GADD45A: variants seen among roughly 807,000 people sequenced by gnomAD.
GADD45A encodes the protein growth arrest and DNA damage-inducible protein GADD45 alpha.
Under a neutral mutation model 17.7 loss-of-function variants are expected in GADD45A, and 9 were observed. The observed-to-expected ratio is 0.51, with a 90% CI of 0.31 to 0.89. The LOEUF is 0.89. Ranked by LOEUF, GADD45A falls within the 40% of genes least tolerant of loss-of-function variation. The pLI is 0.05. For missense variants in GADD45A, 149 were observed against 220.6 expected (o/e 0.68, Z 2.06); for synonymous variants, 95 against 92.2 (o/e 1.03, Z -0.17).
chr1:67,685,428 C>G lies in GADD45A; in HGVS notation c.-67C>G. The G allele has an allele frequency of 6.7e-7, 1 of 1,500,372 alleles. No individual in the cohort carries two copies. Among genetic ancestry groups the G allele is most frequent in the Non-Finnish European group, 9.1e-7 (1 of 1,097,584 alleles). 92.9% of individuals were successfully genotyped at this position (1,500,372 alleles called of 1,614,324 possible). A position where few individuals can be genotyped will look rare whatever the true frequency, so the allele number is the denominator to read the frequency against. ...AGTGAGTGCAGAAAGCAGGCGCCCG[C>G]GCGCTAGCCGTGGCAGGAGCAGCCC... On this transcript the variant is annotated 5_prime_UTR_variant, in exon 1 of 4. Coordinates refer to ENST00000370986, the MANE Select transcript of GADD45A (RefSeq NM_001924.4).
At chr1:67,685,953 C>A in intron 1 of GADD45A, 72 bp from the exon 2 acceptor site, 1 of 983,126 alleles carries the variant, frequency 1.0e-6, no homozygotes, top group Non-Finnish European at 1.5e-6. Flanking sequence ...GGCGTGGTAC[C>A]GGACGAGGGG....
chr1:67,685,367 A>T lies in GADD45A; in HGVS notation c.-128A>T, dbSNP rs1016487119. On this transcript the variant is annotated 5_prime_UTR_variant, in exon 1 of 4. Coordinates refer to ENST00000370986, the MANE Select transcript of GADD45A (RefSeq NM_001924.4). The stretch of plus-strand genomic sequence containing the variant: ...CCGGGCGGGCGAGGGGCGGCCGGAG[A>T]GCGCCAGGGCCTGAGCTGCCGGAGC... 9 of 784,682 alleles carry T rather than the reference A, an allele frequency of 1.1e-5. No homozygotes were observed. Among genetic ancestry groups the T allele is most frequent in the Non-Finnish European group, 1.8e-5 (9 of 500,286 alleles). 48.6% of individuals were successfully genotyped at this position (784,682 alleles called of 1,614,324 possible). A position where few individuals can be genotyped will look rare whatever the true frequency, so the allele number is the denominator to read the frequency against.
rs750408401 is a variant in GADD45A at position 67,688,094 on chromosome 1, T to C, written c.*320T>C. 2.2e-4 allele frequency: 49 copies of C among 220,556 alleles called. 1 individual carries two copies. Among genetic ancestry groups the C allele is most frequent in the Non-Finnish European group, 3.5e-4 (39 of 111,566 alleles). 13.7% of individuals were successfully genotyped at this position (220,556 alleles called of 1,614,324 possible). A position where few individuals can be genotyped will look rare whatever the true frequency, so the allele number is the denominator to read the frequency against. On this transcript the variant is annotated 3_prime_UTR_variant, in exon 4 of 4. Coordinates refer to ENST00000370986, the MANE Select transcript of GADD45A (RefSeq NM_001924.4). ...TTACATTAAAATAAACCAAATATGT[T>C]AAAGTTTAAGTGTGCAGCCATAGTT...
chr1:67,687,776 G>C lies in GADD45A; in HGVS notation c.*2G>C, dbSNP rs747192187. ...GTGATTAATCTCCCTGAACGGTGATGGCATCTGAATGAAAATAACTGAACC... is the reference window on the plus strand; with the variant it reads ...GTGATTAATCTCCCTGAACGGTGATCGCATCTGAATGAAAATAACTGAACC... On this transcript the variant is annotated 3_prime_UTR_variant, in exon 4 of 4. Transcript: ENST00000370986. The C allele has an allele frequency of 6.3e-7, 1 of 1,583,050 alleles. No individual in the cohort carries two copies. The highest frequency in any genetic ancestry group is 1.7e-5 in the Admixed American group (1 of 59,896).
In GADD45A at chr1:67,685,876, G is replaced by T. The variant is rs745674077; in HGVS notation, c.45-149G>T. The T allele has an allele frequency of 6.6e-6, 4 of 608,916 alleles. No individual in the cohort carries two copies. In the South Asian group the frequency reaches 8.1e-5, roughly 12 times the overall value. The allele number at this position is 608,916 out of a possible 1,614,324, so 37.7% of individuals were successfully genotyped here. On this transcript the variant is annotated intron_variant, in intron 1 of 3. Transcript: ENST00000370986. Reference sequence around the variant, plus strand: ...CGTGCAGGGGTCATGGGGGGTGACGGGGCCGCGGGAGCGCCGGGTTTTCGT... The same window carrying T: ...CGTGCAGGGGTCATGGGGGGTGACGTGGCCGCGGGAGCGCCGGGTTTTCGT...
In GADD45A at chr1:67,686,527, T is replaced by C. The variant is rs761901585; in HGVS notation, c.324T>C (p.Ala108=). The change falls in exon 3 of 4, where the codon GCT becomes GCC. Residue 108 remains alanine (A), a synonymous_variant. Coordinates refer to ENST00000370986, the MANE Select transcript of GADD45A (RefSeq NM_001924.4). The part of the protein sequence containing the change: ...LAELLLLETD[A]GPAASEGAEQ... ...AGCTCCTGCTCTTGGAGACCGACGC[T>C]GGCCCCGCGGCGAGCGAGGGCGCCG... The C allele has an allele frequency of 6.6e-5, 106 of 1,612,084 alleles. No homozygotes were observed. The highest frequency in any genetic ancestry group is 1.0e-4 in the Admixed American group (6 of 59,948).
Position 67,685,316 on chromosome 1 carries a change from G to A in GADD45A, c.-179G>A, listed in dbSNP as rs1039025063. ...CAAGGCGGGAGGGGTGGCCGGAGCTGCGGCGGCTGGCACAGGAGGAGGAGC... is the reference window on the plus strand; with the variant it reads ...CAAGGCGGGAGGGGTGGCCGGAGCTACGGCGGCTGGCACAGGAGGAGGAGC... On this transcript the variant is annotated 5_prime_UTR_variant, in exon 1 of 4. Coordinates refer to ENST00000370986, the MANE Select transcript of GADD45A (RefSeq NM_001924.4). The A allele has an allele frequency of 3.4e-5, 19 of 553,496 alleles. No individual in the cohort carries two copies. Among genetic ancestry groups the A allele is most frequent in the Non-Finnish European group, 6.0e-5 (19 of 317,556 alleles). 34.3% of individuals were successfully genotyped at this position (553,496 alleles called of 1,614,324 possible).
chr1:67,685,800 C>G, intron 1 of GADD45A: 1 of 595,014 alleles, frequency 1.7e-6, no homozygotes, highest in South Asian at 2.0e-5. Flanking sequence ...TGGCTGGCAG[C>G]CTGTGGCAGG....
intron 2 of GADD45A, 61 bp from the exon 3 acceptor site, chr1:67,686,289 C>T: frequency 6.7e-7 from 1 of 1,500,430 alleles, no homozygotes; most frequent in South Asian, 1.2e-5. Context: ...CCCCAGGGAC[C>T]CGGGCAGTGG....
Position 67,687,679 on chromosome 1 carries a change from T to A in GADD45A, c.403T>A (p.Trp135Arg). ...TTTCCAGAATCCACATTCATCTCAA[T>A]GGAAGGATCCTGCCTTAAGTCAACT... The part of the protein sequence containing the change: ...VLVTNPHSSQ[W>R]KDPALSQLIC... Residue 135 changes from tryptophan (W) to arginine (R), a missense_variant, in exon 4 of 4, where the codon TGG becomes AGG. Transcript: ENST00000370986. 2 of 1,609,986 alleles carry A rather than the reference T, an allele frequency of 1.2e-6. No individual in the cohort carries two copies. The highest frequency in any genetic ancestry group is 1.7e-6 in the Non-Finnish European group (2 of 1,176,712).
In GADD45A at chr1:67,685,304, GTGGCCGGAGCTGCGGCGGC is replaced by G; in HGVS notation, c.-186_-168del. 1 of 539,190 alleles carries G rather than the reference GTGGCCGGAGCTGCGGCGGC, an allele frequency of 1.9e-6. No homozygotes were observed. The highest frequency in any genetic ancestry group is 3.2e-6 in the Non-Finnish European group (1 of 308,674). The allele number at this position is 539,190 out of a possible 1,614,324, so 33.4% of individuals were successfully genotyped here. A position where few individuals can be genotyped will look rare whatever the true frequency, so the allele number is the denominator to read the frequency against. On this transcript the variant is annotated 5_prime_UTR_variant, in exon 1 of 4. Coordinates refer to ENST00000370986, the MANE Select transcript of GADD45A (RefSeq NM_001924.4). ...CGAGCGAGCAAGCAAGGCGGGAGGG[GTGGCCGGAGCTGCGGCGGC>G]TGGCACAGGAGGAGGAGCCCGGGCG...
chr1:67,686,921 T>G (rs1271892855), intron 3 of GADD45A, among the ~76,000 whole-genome samples: 1 of 152,188 alleles, frequency 6.6e-6, no homozygotes, highest in Non-Finnish European at 1.5e-5. Context: ...CCAAATGAAT[T>G]CCTGGCTCAC....
In GADD45A at chr1:67,685,211, A is replaced by G; in HGVS notation, c.-284A>G. Reference sequence around the variant, plus strand: ...GGCCCTTTGTCCTCCAGTGGCTGGTAGGCAGTGGCTGGGAGGCAGCGGCCC... The same window carrying G: ...GGCCCTTTGTCCTCCAGTGGCTGGTGGGCAGTGGCTGGGAGGCAGCGGCCC... On this transcript the variant is annotated 5_prime_UTR_variant, in exon 1 of 4. Transcript: ENST00000370986. 2.2e-6 allele frequency: 1 copy of G among 455,086 alleles called. No homozygotes were observed. Among genetic ancestry groups the G allele is most frequent in the East Asian group, 4.1e-5 (1 of 24,164 alleles). The allele number at this position is 455,086 out of a possible 1,614,324, so 28.2% of individuals were successfully genotyped here.
At chr1:67,685,694 C>T in intron 1 of GADD45A, 156 bp downstream of exon 1, 2 of 736,460 alleles carry the variant, frequency 2.7e-6, no homozygotes, top group Non-Finnish European at 4.6e-6. Context: ...CCGTGGAGCT[C>T]CCACGGACTG....
Position 67,685,463 on chromosome 1 carries a change from G to A in GADD45A, c.-32G>A, listed in dbSNP as rs1324558168. ...GTGGCAGGAGCAGCCCGCACGCCGC[G>A]CTCTCTCCCTGGGCGACCTGCAGTT... On this transcript the variant is annotated 5_prime_UTR_variant, in exon 1 of 4. Coordinates refer to ENST00000370986, the MANE Select transcript of GADD45A (RefSeq NM_001924.4). 2 of 1,595,500 alleles carry A rather than the reference G, an allele frequency of 1.3e-6. No individual in the cohort carries two copies. Among genetic ancestry groups the A allele is most frequent in the East Asian group, 2.3e-5 (1 of 44,124 alleles).
chr1:67,686,721 C>A, intron 3 of GADD45A, 134 bp downstream of exon 3: 1 of 696,254 alleles, frequency 1.4e-6, no homozygotes, highest in Non-Finnish European at 2.4e-6. Flanking sequence ...TAGAGTGTGG[C>A]TGGACTTTCA....
At chr1:67,687,548 C>T (rs1646144371) in intron 3 of GADD45A, 113 bp from the exon 4 acceptor site, 1 of 676,516 alleles carries the variant, frequency 1.5e-6, no homozygotes, top group Non-Finnish European at 2.5e-6. Context: ...TCTAATTTGT[C>T]TCCATGTCAC....
At chr1:67,686,171 C>A in intron 2 of GADD45A, 45 bp downstream of exon 2, 1 of 1,523,122 alleles carries the variant, frequency 6.6e-7, no homozygotes, top group Non-Finnish European at 9.0e-7. Context: ...CCTTCCCGCC[C>A]CAGCCCGGGA....
At position 67,687,700 on chromosome 1, in the gene GADD45A, C is replaced by G. The variant is rs762835539; in HGVS notation, c.424C>G (p.Gln142Glu). The G allele has an allele frequency of 1.1e-5, 17 of 1,613,022 alleles. No homozygotes were observed. In the African/African-American group the frequency reaches 2.3e-4, roughly 22 times the overall value. Residue 142 changes from glutamine (Q) to glutamate (E), a missense_variant, in exon 4 of 4, where the codon CAA becomes GAA. Physicochemically the swap from Gln to Glu is conservative, Grantham distance 29. Transcript: ENST00000370986. ...TCAATGGAAGGATCCTGCCTTAAGT[C>G]AACTTATTTGTTTTTGCCGGGAAAG... The part of the protein sequence containing the change: ...SSQWKDPALS[Q>E]LICFCRESRY...
Sources: gnomAD v4.1 joint callset for allele counts (sites outside exome capture counted in the v4.1 genomes callset) on GRCh38, gnomAD v4.1.1 for gene constraint, MANE v1.5 for transcripts, NCBI Gene and HGNC (gene_info 2026-07-23, HGNC 2026-07-21) for gene names.